The following WWOX variants were observed in gnomAD, a reference collection of about 807,000 sequenced individuals.
The protein encoded by WWOX is WW domain-containing oxidoreductase.
Under a neutral mutation model 46.2 loss-of-function variants are expected in WWOX, and 69 were observed. The observed-to-expected ratio is 1.49, with a 90% CI of 1.23 to 1.82. WWOX has a LOEUF of 1.82. Among genes scored for constraint, WWOX ranks in the 40% most tolerant of loss-of-function variants. WWOX has a pLI of 0.00. For synonymous variants in WWOX, 359 were observed against 202.6 expected, an observed-to-expected ratio of 1.77 and a Z score of -6.56; for missense variants, 919 against 542.6, an observed-to-expected ratio of 1.69 and a Z score of -6.89.
Position 78,547,127 on chromosome 16 carries a change from GAAAAAAAAAAAAAA to G in WWOX, c.1056+114394_1056+114407del, listed in dbSNP as rs199726097. On this transcript the variant is annotated intron_variant, in intron 8 of 8. Transcript: ENST00000566780. ...TGGGAGAGTGTGAGACCTTGTCTCA[GAAAAAAAAAAAAAA>G]AAAAAAAAAAAAAAAAAACAACTAC... 1.8e-3 allele frequency among the ~76,000 whole-genome samples: 158 copies of G among 87,484 alleles called. 7 individuals carry two copies. Among genetic ancestry groups the G allele is most frequent in the Admixed American group, 5.6e-3 (49 of 8,764 alleles). The allele number at this position is 87,484 out of a possible 152,430, so 57.4% of individuals were successfully genotyped here. A position where few individuals can be genotyped will look rare whatever the true frequency, so the allele number is the denominator to read the frequency against.
intron 8 of WWOX, among the ~76,000 whole-genome samples, chr16:78,476,000 G>C (rs1567595093): frequency 6.6e-6 from 1 of 152,110 alleles, no homozygotes; most frequent in Non-Finnish European, 1.5e-5. Context: ...CTTTCCTCCA[G>C]CTCCGCCACC....
rs193120792 is a variant in WWOX, at chr16:78,848,662, G to A, written c.1057-362946G>A. Among the ~76,000 whole-genome samples, 370 of 152,214 alleles carry A rather than the reference G, an allele frequency of 2.4e-3. 2 individuals are homozygous for A. The highest frequency in any genetic ancestry group is 6.0e-4 in the Non-Finnish European group (41 of 68,010). ...TAGCCTAATTAACAGATTTGCCTAG[G>A]GCTGACCCTGAAGCAGAAAGCAAAG... is the stretch of plus-strand genomic sequence containing the variant. On this transcript the variant is annotated intron_variant, in intron 8 of 8. Coordinates refer to ENST00000566780, the MANE Select transcript of WWOX (RefSeq NM_016373.4).
intron 8 of WWOX, among the ~76,000 whole-genome samples, chr16:79,065,218 T>C (rs553231124): frequency 6.6e-6 from 1 of 152,212 alleles, no homozygotes; most frequent in Non-Finnish European, 1.5e-5. Flanking sequence ...TGGGTTCTTC[T>C]TGCCTGCTGC....
At chr16:78,685,609 A>C (rs919792959) in intron 8 of WWOX, among the ~76,000 whole-genome samples, 2 of 152,248 alleles carry the variant, frequency 1.3e-5, no homozygotes, top group Non-Finnish European at 2.9e-5. Flanking sequence ...TTCTGTGTAT[A>C]TTTCACATGG....
intron 8 of WWOX, among the ~76,000 whole-genome samples, chr16:79,027,305 G>T (rs1257740555): frequency 1.3e-5 from 2 of 150,066 alleles, no homozygotes; most frequent in South Asian, 2.1e-4. Flanking sequence ...GGTAGAGATG[G>T]TGGAGTGGTG....
At chr16:78,720,942 C>G (rs1296631459) in intron 8 of WWOX, among the ~76,000 whole-genome samples, 2 of 152,126 alleles carry the variant, frequency 1.3e-5, no homozygotes, top group Non-Finnish European at 2.9e-5. Flanking sequence ...GAGCACTTCT[C>G]CATCATCAGG....
intron 8 of WWOX, among the ~76,000 whole-genome samples, chr16:79,183,155 G>A (rs559087298): frequency 7.8e-4 from 119 of 152,340 alleles, no homozygotes; most frequent in Admixed American, 3.5e-3. Flanking sequence ...GGGAGAAGGC[G>A]TGAGCAGAGC....
chr16:78,539,023 C>G (rs1597233221), intron 8 of WWOX, among the ~76,000 whole-genome samples: 1 of 152,190 alleles, frequency 6.6e-6, no homozygotes, highest in South Asian at 2.1e-4. Flanking sequence ...GGTAAGGAAG[C>G]AATTCAGAGA....
At chr16:78,127,275 G>A (rs1453312912) in intron 4 of WWOX, among the ~76,000 whole-genome samples, 1 of 152,104 alleles carries the variant, frequency 6.6e-6, no homozygotes, top group African/African-American at 2.4e-5. Context: ...TTAATAACGT[G>A]TAGCCATTTC....
intron 8 of WWOX, among the ~76,000 whole-genome samples, chr16:78,974,418 A>T (rs2151326526): frequency 6.6e-6 from 1 of 152,280 alleles, no homozygotes; most frequent in South Asian, 2.1e-4. Context: ...TAGCCTTGGA[A>T]AGAGTCTTGG....
chr16:78,982,689 C>G (rs1287027154), intron 8 of WWOX, among the ~76,000 whole-genome samples: 1 of 152,162 alleles, frequency 6.6e-6, no homozygotes, highest in Non-Finnish European at 1.5e-5. Context: ...GACCGGGCTC[C>G]TCAAACATGT....
chr16:78,809,544 C>T (rs1262077902), intron 8 of WWOX, among the ~76,000 whole-genome samples: 1 of 152,096 alleles, frequency 6.6e-6, no homozygotes, highest in Non-Finnish European at 1.5e-5. Flanking sequence ...TCCACTTGCC[C>T]CAAATAGGTA....
chr16:78,424,817 A>T (rs766512901), intron 6 of WWOX, 53 bp from the exon 7 acceptor site: 8 of 1,602,260 alleles, frequency 5.0e-6, no homozygotes, highest in Non-Finnish European at 5.1e-6. Context: ...AGCATGGATT[A>T]TCCTTGGTTG....
chr16:79,125,859 A>C (rs1204867361), intron 8 of WWOX, among the ~76,000 whole-genome samples: 1 of 152,168 alleles, frequency 6.6e-6, no homozygotes, highest in African/African-American at 2.4e-5. Context: ...TTACTTCTCC[A>C]TGTTGAAATT....
At chr16:78,532,966 G>A (rs2043658887) in intron 8 of WWOX, among the ~76,000 whole-genome samples, 1 of 152,332 alleles carries the variant, frequency 6.6e-6, no homozygotes, top group East Asian at 1.9e-4. Context: ...AGCAAGAGTA[G>A]GAGGGAACAG....
At chr16:78,486,313 G>C (rs2084635497) in intron 8 of WWOX, among the ~76,000 whole-genome samples, 1 of 152,144 alleles carries the variant, frequency 6.6e-6, no homozygotes, top group East Asian at 1.9e-4. Flanking sequence ...CCGACTAATA[G>C]ACATAAATAA....
At chr16:78,953,960 C>T (rs566510775) in intron 8 of WWOX, among the ~76,000 whole-genome samples, 1 of 152,334 alleles carries the variant, frequency 6.6e-6, no homozygotes, top group South Asian at 2.1e-4. Flanking sequence ...GAATCCAAGT[C>T]CCTGTGCAAG....
chr16:79,159,543 G>C (rs536149366), intron 8 of WWOX, among the ~76,000 whole-genome samples: 2 of 152,276 alleles, frequency 1.3e-5, no homozygotes, highest in South Asian at 4.2e-4. Context: ...AGGGCACTCA[G>C]ATGCTGGAAT....
At chr16:78,278,898 C>T (rs944128413) in intron 5 of WWOX, among the ~76,000 whole-genome samples, 2 of 151,512 alleles carry the variant, frequency 1.3e-5, no homozygotes, top group African/African-American at 2.4e-5. Flanking sequence ...TTTGTGTGTG[C>T]GTGTACGTGT....
Sources: allele counts gnomAD v4.1 joint callset (sites outside exome capture counted in the v4.1 genomes callset), GRCh38; gene constraint gnomAD v4.1.1; transcripts MANE v1.5; gene names NCBI Gene and HGNC (gene_info 2026-07-23, HGNC 2026-07-21).